The following MYT1L variants were observed in gnomAD, a reference collection of about 807,000 sequenced individuals.
MYT1L encodes the protein myelin transcription factor 1 like.
MYT1L carries 12 observed loss-of-function variants against 126.7 expected under a neutral mutation model. That is an observed-to-expected ratio of 0.09 (90% CI 0.06 to 0.15). The LOEUF is 0.15. Among genes scored for constraint, MYT1L ranks in the 10% least tolerant of loss-of-function variants. The pLI, the probability that MYT1L is intolerant of heterozygous loss-of-function variation, is 1.00. For synonymous variants in MYT1L, 541 were observed against 604.2 expected, an observed-to-expected ratio of 0.90 and a Z score of 1.53; for missense variants, 979 against 1,585.2, an observed-to-expected ratio of 0.62 and a Z score of 6.49.
Position 2,022,407 on chromosome 2 carries a change from T to G in MYT1L, c.-157-25060A>C, listed in dbSNP as rs112999573. ...TTATTTTATGGGACAGTGTTTTCCT[T>G]GGCAGGCTCAGAGTTCCACAGCATT... On this transcript the variant is annotated intron_variant, in intron 4 of 24. Coordinates refer to ENST00000647738, the MANE Select transcript of MYT1L (RefSeq NM_001303052.2). Among the ~76,000 whole-genome samples, 1,171 of 152,334 alleles carry G rather than the reference T, an allele frequency of 7.7e-3. 9 individuals carry two copies. The highest frequency in any genetic ancestry group is 1.0e-2 in the Non-Finnish European group (678 of 68,034).
intron 3 of MYT1L, among the ~76,000 whole-genome samples, chr2:2,136,487 A>G (rs867047176): frequency 1.3e-5 from 2 of 152,170 alleles, no homozygotes; most frequent in African/African-American, 2.4e-5. Context: ...TAGATATGAG[A>G]GATTATTTCT....
intron 2 of MYT1L, among the ~76,000 whole-genome samples, chr2:2,189,048 C>T (rs1274936222): frequency 1.3e-5 from 2 of 152,168 alleles, no homozygotes; most frequent in Admixed American, 6.5e-5. Flanking sequence ...AGAACATAGC[C>T]TCCTAACCAG....
chr2:2,252,105 C>A (rs2094669817), intron 2 of MYT1L, among the ~76,000 whole-genome samples: 1 of 152,130 alleles, frequency 6.6e-6, no homozygotes, highest in Non-Finnish European at 1.5e-5. Flanking sequence ...CATTCCTCCT[C>A]TCAAGTGTTC....
intron 2 of MYT1L, among the ~76,000 whole-genome samples, chr2:2,201,320 C>G (rs112851165): frequency 0.012 from 1,770 of 152,256 alleles, 16 homozygotes; most frequent in Non-Finnish European, 0.016. Context: ...TCCTCATGGT[C>G]CAGCCAGTTG....
chr2:2,287,839 T>C (rs1304634869), intron 1 of MYT1L, among the ~76,000 whole-genome samples: 1 of 152,226 alleles, frequency 6.6e-6, no homozygotes, highest in Non-Finnish European at 1.5e-5. Flanking sequence ...GTAATAGCAA[T>C]GAAACTCAAA....
Position 1,806,992 on chromosome 2 carries a change from G to A in MYT1L, c.3172+2084C>T, listed in dbSNP as rs2035825724. Among the ~76,000 whole-genome samples the A allele has an allele frequency of 6.6e-6, 1 of 152,222 alleles. No individual in the cohort carries two copies. Among genetic ancestry groups the A allele is most frequent in the Non-Finnish European group, 1.5e-5 (1 of 68,040 alleles). On this transcript the variant is annotated intron_variant, in intron 22 of 24. Coordinates refer to ENST00000647738, the MANE Select transcript of MYT1L (RefSeq NM_001303052.2). This position sits in a 1 kb window ranked among gnomAD's most constrained non-coding sequence, Gnocchi z 4.9. ...CACTGCTCCGTAATAACTAGAAAGC[G>A]AAAGTTGGCTATCCTGGTGTCTCAA...
intron 2 of MYT1L, among the ~76,000 whole-genome samples, chr2:2,208,333 C>T (rs17338491): frequency 5.3e-5 from 8 of 152,146 alleles, no homozygotes; most frequent in East Asian, 1.9e-4. Context: ...TGGCGGTAAA[C>T]GTGTCTGGTT....
intron 2 of MYT1L, among the ~76,000 whole-genome samples, chr2:2,189,459 C>T (rs1446154204): frequency 6.6e-6 from 1 of 152,196 alleles, no homozygotes; most frequent in African/African-American, 2.4e-5. Flanking sequence ...TCTATTAAGA[C>T]ACGCATGAAA....
intron 2 of MYT1L, among the ~76,000 whole-genome samples, chr2:2,221,499 T>G (rs1399288655): frequency 1.3e-5 from 2 of 152,024 alleles, no homozygotes; most frequent in African/African-American, 4.8e-5. Flanking sequence ...GTAGTCTGAA[T>G]TTAAGAGAAA....
intron 2 of MYT1L, among the ~76,000 whole-genome samples, chr2:2,177,586 C>T (rs2090955006): frequency 6.6e-6 from 1 of 152,174 alleles, no homozygotes; most frequent in African/African-American, 2.4e-5. Flanking sequence ...TGACTCACAG[C>T]TCCACATGGC....
intron 21 of MYT1L, among the ~76,000 whole-genome samples, chr2:1,822,638 G>A (rs1235900051): frequency 6.6e-6 from 1 of 152,206 alleles, no homozygotes; most frequent in Non-Finnish European, 1.5e-5. Context: ...CCAGGGACAG[G>A]ATGGCTGTTG....
At chr2:2,238,492 T>C (rs958196919) in intron 2 of MYT1L, among the ~76,000 whole-genome samples, 1 of 152,148 alleles carries the variant, frequency 6.6e-6, no homozygotes, top group African/African-American at 2.4e-5. Flanking sequence ...TTTGACAAAG[T>C]GTATGGAGAT....
chr2:1,970,478 AC>A (rs892005429), intron 8 of MYT1L, among the ~76,000 whole-genome samples: 15 of 150,132 alleles, frequency 1.0e-4, no homozygotes, highest in African/African-American at 3.7e-4. Context: ...TGGGGTGCAC[AC>A]CCCTGAGTAG....
chr2:1,987,311 T>C lies in MYT1L; in HGVS notation c.1-7534A>G, dbSNP rs568891816. 8.1e-4 allele frequency among the ~76,000 whole-genome samples: 122 copies of C among 151,290 alleles called. 1 individual carries two copies. The South Asian group carries it at 0.025, about 31-fold the overall frequency. ...CTTTATATCAAAACCTTGATTTCTG[T>C]TTTTTTTGTTTTTTTTTTTCTGTTT... On this transcript the variant is annotated intron_variant, in intron 5 of 24. Coordinates refer to ENST00000647738, the MANE Select transcript of MYT1L (RefSeq NM_001303052.2).
At chr2:2,086,619 AAGGTCCCT>A (rs1484277875) in intron 3 of MYT1L, among the ~76,000 whole-genome samples, 3 of 152,114 alleles carry the variant, frequency 2.0e-5, no homozygotes, top group Non-Finnish European at 2.9e-5. Context: ...CCCTTAGCTG[AAGGTCCCT>A]GGCTTCTGCC....
chr2:2,275,202 A>ATGTGTGTGTGTGTGTG (rs10522538), intron 2 of MYT1L, among the ~76,000 whole-genome samples: 63 of 139,450 alleles, frequency 4.5e-4, no homozygotes, highest in African/African-American at 1.3e-3. Context: ...TAATAATAAA[A>ATGTGTGTGTGTGTGTG]TGTGTGTGTG....
At chr2:2,232,514 A>G (rs1331827068) in intron 2 of MYT1L, among the ~76,000 whole-genome samples, 1 of 152,224 alleles carries the variant, frequency 6.6e-6, no homozygotes, top group Non-Finnish European at 1.5e-5. Context: ...TAGCATGGGT[A>G]TGACAATTAC....
In MYT1L at chr2:1,811,785, C is replaced by T. The variant is rs544469055; in HGVS notation, c.3081-2618G>A. Among the ~76,000 whole-genome samples the T allele has an allele frequency of 1.9e-4, 29 of 152,220 alleles. No homozygotes were observed. The highest frequency in any genetic ancestry group is 5.2e-4 in the Admixed American group (8 of 15,294). Reference sequence around the variant, plus strand: ...GGGAACAGGCTCCTCTTCAGTCCTCCCTGATGGGGCCTGGGCAACAACCTG... The same window carrying T: ...GGGAACAGGCTCCTCTTCAGTCCTCTCTGATGGGGCCTGGGCAACAACCTG... On this transcript the variant is annotated intron_variant, in intron 21 of 24. Transcript: ENST00000647738. This position sits in a 1 kb window ranked among gnomAD's most constrained non-coding sequence, Gnocchi z 4.4.
intron 18 of MYT1L, among the ~76,000 whole-genome samples, chr2:1,881,807 A>G (rs2148798114): frequency 6.6e-6 from 1 of 152,314 alleles, no homozygotes; most frequent in South Asian, 2.1e-4. Flanking sequence ...GTGCATGTGT[A>G]TGGCTGTAGT....
Sources: allele counts gnomAD v4.1 joint callset (sites outside exome capture counted in the v4.1 genomes callset), GRCh38; gene constraint gnomAD v4.1.1; non-coding constraint Gnocchi (gnomAD v3.1); transcripts MANE v1.5; gene names NCBI Gene and HGNC (gene_info 2026-07-23, HGNC 2026-07-21).